Variants in PGAP3 observed in about 807,000 individuals in gnomAD.
PGAP3 encodes GPI-specific phospholipase A2-like PGAP3.
In PGAP3, 31 loss-of-function variants were observed where a neutral mutation model predicts 40.3. The ratio of observed to expected loss-of-function variants is 0.77; its 90% CI spans 0.58 to 1.04. PGAP3 has a LOEUF of 1.04. PGAP3 is among the 50% of genes least tolerant of loss of function. PGAP3 has a pLI of 0.00. For missense variants in PGAP3, 413 were observed against 423.0 expected, an observed-to-expected ratio of 0.98 and a Z score of 0.21; for synonymous variants, 191 against 184.5, an observed-to-expected ratio of 1.04 and a Z score of -0.29.
chr17:39,677,462 A>G (rs1432580136), intron 3 of PGAP3, among the ~76,000 whole-genome samples: 1 of 152,132 alleles, frequency 6.6e-6, no homozygotes, highest in Non-Finnish European at 1.5e-5. Context: ...GTTCCCATCA[A>G]TGTGAACCGA....
chr17:39,675,336 T>C (rs2057363336), intron 3 of PGAP3, among the ~76,000 whole-genome samples: 1 of 152,240 alleles, frequency 6.6e-6, no homozygotes, highest in Non-Finnish European at 1.5e-5. Flanking sequence ...GTTTGAGGCC[T>C]TCTTCCTGGA....
intron 3 of PGAP3, among the ~76,000 whole-genome samples, chr17:39,674,901 C>G (rs962852719): frequency 2.6e-5 from 4 of 152,282 alleles, no homozygotes; most frequent in South Asian, 4.1e-4. Context: ...CCCAAGGCCA[C>G]GGGGGGCTGC....
intron 3 of PGAP3, among the ~76,000 whole-genome samples, chr17:39,675,652 A>T (rs1196179920): frequency 6.6e-6 from 1 of 152,182 alleles, no homozygotes; most frequent in East Asian, 1.9e-4. Flanking sequence ...CAGGCAGGGG[A>T]CAGAGGGAGG....
intron 3 of PGAP3, among the ~76,000 whole-genome samples, chr17:39,674,950 C>G (rs2934954): frequency 3.9e-5 from 6 of 152,122 alleles, no homozygotes; most frequent in African/African-American, 1.4e-4. Flanking sequence ...GAACCAGTTC[C>G]GGTATAGCCA....
rs976507426 is a variant in PGAP3, at chr17:39,671,505, G to A, written c.*1298C>T. ...GGGAAGAAACCAGACCCAGCCATAA[G>A]CTTTCTCCCCTTCTCCCTCAAATCG... On this transcript the variant is annotated 3_prime_UTR_variant, in exon 8 of 8. Transcript: ENST00000300658. The A allele has an allele frequency of 6.6e-6, 1 of 152,444 alleles. No individual in the cohort carries two copies. The highest frequency in any genetic ancestry group is 1.5e-5 in the Non-Finnish European group (1 of 68,112). The allele number at this position is 152,444 out of a possible 1,614,324, so 9.4% of individuals were successfully genotyped here.
At chr17:39,676,170 TTA>T (rs1243255393) in intron 3 of PGAP3, among the ~76,000 whole-genome samples, 7 of 152,110 alleles carry the variant, frequency 4.6e-5, no homozygotes, top group Non-Finnish European at 7.4e-5. Context: ...TCTGAAAAGC[TTA>T]GAGTCAGCAT....
Position 39,673,030 on chromosome 17 carries a change from C to T in PGAP3, c.899+21G>A, listed in dbSNP as rs549479857. 24 of 1,594,616 alleles carry T rather than the reference C, an allele frequency of 1.5e-5. No homozygotes were observed. The East Asian group carries it at 5.2e-4, about 34-fold the overall frequency. On this transcript the variant is annotated intron_variant, in intron 7 of 7. Transcript: ENST00000300658. ...GGAAGGGTCCAAAGAAGGTGAGCAC[C>T]AGGCAGGGGGCAGCACCCACCTGAA...
intron 7 of PGAP3, 30 bp downstream of exon 7, chr17:39,673,021 G>A: frequency 6.3e-7 from 1 of 1,591,238 alleles, no homozygotes; most frequent in Non-Finnish European, 8.6e-7. Context: ...GTCCAAAGAA[G>A]GTGAGCACCA....
At chr17:39,675,320 G>A (rs2057363051) in intron 3 of PGAP3, among the ~76,000 whole-genome samples, 2 of 152,260 alleles carry the variant, frequency 1.3e-5, no homozygotes, top group South Asian at 4.1e-4. Context: ...CAGGGCCCAG[G>A]GGAATGTTTG....
chr17:39,679,209 T>C (rs1356195230), intron 3 of PGAP3, among the ~76,000 whole-genome samples: 3 of 152,108 alleles, frequency 2.0e-5, no homozygotes, highest in Non-Finnish European at 4.4e-5. Flanking sequence ...CCTCCCAAAG[T>C]GCTGGGATTA....
chr17:39,673,570 T>A lies in PGAP3; in HGVS notation c.638A>T (p.Tyr213Phe). 6.2e-7 allele frequency: 1 copy of A among 1,613,930 alleles called. No homozygotes were observed. Among genetic ancestry groups the A allele is most frequent in the Non-Finnish European group, 8.5e-7 (1 of 1,179,988 alleles). ...LLLMLTVHVS[Y>F]LSLIRFDYGY... is the part of the protein sequence containing the mutation. ...ATAGTCGAAGCGGATGAGGCTCAGG[T>A]AGGAGACGTGCACGGTCAGCATGAG... is the stretch of plus-strand genomic sequence containing the variant. Residue 213 changes from tyrosine to phenylalanine, a missense_variant, in exon 6 of 8, where the codon TAC (tyrosine) becomes TTC (phenylalanine). Tyr to Phe is a conservative substitution (Grantham distance 22, BLOSUM62 3). Transcript: ENST00000300658.
intron 6 of PGAP3, 86 bp from the exon 7 acceptor site, chr17:39,673,341 G>A: frequency 7.7e-6 from 12 of 1,563,466 alleles, no homozygotes; most frequent in Non-Finnish European, 1.0e-5. Context: ...TCTGACCCCA[G>A]GATCATCCTC....
intron 2 of PGAP3, 62 bp downstream of exon 2, chr17:39,685,860 C>A (rs1234415857): frequency 6.8e-7 from 1 of 1,467,372 alleles, no homozygotes; most frequent in Non-Finnish European, 9.5e-7. Context: ...TGTGGTCCAA[C>A]CAGGGGGTAT....
chr17:39,681,501 T>G (rs2057439625), intron 3 of PGAP3, among the ~76,000 whole-genome samples: 1 of 152,052 alleles, frequency 6.6e-6, no homozygotes. Context: ...TGCCACATAA[T>G]CAAACTGAAA....
At chr17:39,686,538 G>A (rs925111584) in intron 1 of PGAP3, among the ~76,000 whole-genome samples, 2 of 149,288 alleles carry the variant, frequency 1.3e-5, no homozygotes, top group East Asian at 2.0e-4. Flanking sequence ...TTGCAGGCAC[G>A]AGCCACCGCA....
chr17:39,686,099 T>C, intron 1 of PGAP3, 80 bp from the exon 2 acceptor site: 4 of 1,281,748 alleles, frequency 3.1e-6, no homozygotes, highest in South Asian at 1.3e-5. Context: ...CAAGCGCAAA[T>C]GTAGGCCAAG....
At chr17:39,683,355 A>G (rs1476859381) in intron 3 of PGAP3, among the ~76,000 whole-genome samples, 1 of 151,962 alleles carries the variant, frequency 6.6e-6, no homozygotes, top group African/African-American at 2.4e-5. Flanking sequence ...CTTACCTTTA[A>G]TGCCCCTTCC....
chr17:39,679,919 C>T (rs1460421598), intron 3 of PGAP3, among the ~76,000 whole-genome samples: 2 of 152,186 alleles, frequency 1.3e-5, no homozygotes, highest in Non-Finnish European at 1.5e-5. Flanking sequence ...CCAGATTAAA[C>T]CTCTCCTCCT....
intron 3 of PGAP3, among the ~76,000 whole-genome samples, chr17:39,675,044 CCCCA>C (rs55681053): frequency 0.6 from 80,924 of 135,942 alleles, 24,465 homozygotes; most frequent in South Asian, 0.71. Flanking sequence ...GACAGCACCA[CCCCA>C]CCCGGGCCCA....
Sources: allele counts gnomAD v4.1 joint callset (sites outside exome capture counted in the v4.1 genomes callset), GRCh38; gene constraint gnomAD v4.1.1; transcripts MANE v1.5; gene names NCBI Gene and HGNC (gene_info 2026-07-23, HGNC 2026-07-21).